Variants in RECK observed in about 807,000 individuals in gnomAD.
The protein encoded by RECK is reversion-inducing cysteine-rich protein with Kazal motifs.
In RECK, 69 loss-of-function variants were observed where a neutral mutation model predicts 115.1. The observed-to-expected ratio is 0.60, with a 90% confidence interval of 0.49 to 0.73. The LOEUF is 0.73. RECK is among the 30% of genes least tolerant of loss of function. The pLI is 0.00. For synonymous variants in RECK, 414 were observed against 419.7 expected, an observed-to-expected ratio of 0.99 and a Z score of 0.17; for missense variants, 1,047 against 1,203.7, an observed-to-expected ratio of 0.87 and a Z score of 1.93.
intron 6 of RECK, chr9:36,072,864 C>T (rs1822286037): frequency 6.6e-6 from 1 of 152,062 alleles, no homozygotes; most frequent in Non-Finnish European, 1.5e-5. Flanking sequence ...ATTTCCTTTT[C>T]CAGTTCATTC....
At chr9:36,114,650 C>T (rs1824187341) in intron 16 of RECK, among the ~76,000 whole-genome samples, 1 of 152,134 alleles carries the variant, frequency 6.6e-6, no homozygotes, top group Non-Finnish European at 1.5e-5. Flanking sequence ...CTCAGGAGTT[C>T]GAGACTAGCC....
chr9:36,095,676 C>T (rs111566538), intron 10 of RECK, among the ~76,000 whole-genome samples: 2,808 of 152,216 alleles, frequency 0.018, 83 homozygotes, highest in African/African-American at 0.064. Context: ...GTGGTTCACC[C>T]CTATAATCCC....
chr9:36,075,600 A>G (rs554759384), intron 6 of RECK, among the ~76,000 whole-genome samples: 1 of 152,348 alleles, frequency 6.6e-6, no homozygotes, highest in South Asian at 2.1e-4. Context: ...TAGAGGTTTA[A>G]AAACATTTAT....
intron 6 of RECK, chr9:36,066,919 T>A: frequency 8.5e-7 from 1 of 1,182,036 alleles, no homozygotes; most frequent in Non-Finnish European, 1.1e-6. Context: ...AATAGTTTAC[T>A]TTTCCCAGTC....
intron 1 of RECK, among the ~76,000 whole-genome samples, chr9:36,049,927 G>C (rs963295707): frequency 4.6e-5 from 7 of 152,128 alleles, no homozygotes; most frequent in Non-Finnish European, 8.8e-5. Flanking sequence ...CTTATTACTT[G>C]ATAGCAGTAT....
intron 1 of RECK, among the ~76,000 whole-genome samples, chr9:36,042,204 G>A (rs964839415): frequency 2.0e-5 from 3 of 151,236 alleles, no homozygotes; most frequent in Non-Finnish European, 2.9e-5. Flanking sequence ...CTCATCCCCC[G>A]CTCACTCTTC....
rs975167976 is a variant in RECK at position 36,087,962 on chromosome 9, G to C, written c.905+1G>C. The C allele has an allele frequency of 3.1e-6, 5 of 1,601,360 alleles. No homozygotes were observed. The highest frequency in any genetic ancestry group is 4.3e-6 in the Non-Finnish European group (5 of 1,172,314). ...CTAAAGCAAACACTTCAACATGTAG[G>C]TTAGTATTTCATTTTCCTTTACCAA... On this transcript the variant is annotated splice_donor_variant, in intron 9 of 20. Transcript: ENST00000377966. LOFTEE classifies it high-confidence loss of function.
chr9:36,096,923 T>TATCA (rs1823366369), intron 10 of RECK, among the ~76,000 whole-genome samples: 1 of 150,404 alleles, frequency 6.6e-6, no homozygotes, highest in Admixed American at 6.6e-5. Flanking sequence ...GGTGTGTGCA[T>TATCA]ACACACACAC....
chr9:36,060,926 C>T (rs1821731352), intron 4 of RECK, among the ~76,000 whole-genome samples: 1 of 152,188 alleles, frequency 6.6e-6, no homozygotes, highest in African/African-American at 2.4e-5. Context: ...TGATACTAGA[C>T]TGGAAACCCC....
At chr9:36,088,375 T>C (rs1434775926) in intron 9 of RECK, among the ~76,000 whole-genome samples, 3 of 152,204 alleles carry the variant, frequency 2.0e-5, no homozygotes, top group African/African-American at 7.2e-5. Flanking sequence ...TTAGCACTTA[T>C]AACCAGAGTT....
At chr9:36,055,782 T>C (rs1220497253) in intron 2 of RECK, among the ~76,000 whole-genome samples, 2 of 152,176 alleles carry the variant, frequency 1.3e-5, no homozygotes, top group Non-Finnish European at 2.9e-5. Context: ...TCTAACCTGT[T>C]TCAAGTACTT....
chr9:36,083,493 A>G lies in RECK; in HGVS notation c.568A>G (p.Ile190Val), dbSNP rs1822814424. ...AGCAGTGGAAAATTATTGCGCCTCTATTAGTCCACAATTAATACATTGTGT... is the reference window on the plus strand; with the variant it reads ...AGCAGTGGAAAATTATTGCGCCTCTGTTAGTCCACAATTAATACATTGTGT... ...IKAVENYCAS[I>V]SPQLIHCVNN... is the part of the protein sequence containing the mutation. Residue 190 changes from isoleucine (I) to valine (V), a missense_variant, in exon 8 of 21, where the codon ATT (isoleucine) becomes GTT (valine). Physicochemically the swap from Ile to Val is conservative, Grantham distance 29 (BLOSUM62 3). Coordinates refer to ENST00000377966, the MANE Select transcript of RECK (RefSeq NM_021111.3). The G allele has an allele frequency of 2.5e-6, 4 of 1,613,942 alleles. No homozygotes were observed. The Admixed American group carries it at 6.7e-5, about 27-fold the overall frequency.
intron 20 of RECK, 43 bp downstream of exon 20, chr9:36,121,731 G>C: frequency 6.2e-7 from 1 of 1,602,974 alleles, no homozygotes; most frequent in Non-Finnish European, 8.5e-7. Context: ...TCACTTTCAA[G>C]TTTGGTGCAC....
Position 36,052,396 on chromosome 9 carries a change from G to T in RECK, c.159+73G>T, listed in dbSNP as rs921911182. 6 of 1,125,078 alleles carry T rather than the reference G, an allele frequency of 5.3e-6. No individual in the cohort carries two copies. In the African/African-American group the frequency reaches 7.7e-5, roughly 14 times the overall value. The allele number at this position is 1,125,078 out of a possible 1,614,324, so 69.7% of individuals were successfully genotyped here. A position where few individuals can be genotyped will look rare whatever the true frequency, so the allele number is the denominator to read the frequency against. ...GCCTGTAATCCCAGCACTTTGGGAGGCCAGGGTGGGAGGATTGCTTAAGGC... is the reference window on the plus strand; with the variant it reads ...GCCTGTAATCCCAGCACTTTGGGAGTCCAGGGTGGGAGGATTGCTTAAGGC... On this transcript the variant is annotated intron_variant, in intron 2 of 20. Coordinates refer to ENST00000377966, the MANE Select transcript of RECK (RefSeq NM_021111.3).
chr9:36,077,436 T>G (rs1822492939), intron 6 of RECK, among the ~76,000 whole-genome samples: 1 of 152,190 alleles, frequency 6.6e-6, no homozygotes, highest in African/African-American at 2.4e-5. Flanking sequence ...AAGATAGAGT[T>G]ACATATAGTA....
intron 6 of RECK, among the ~76,000 whole-genome samples, chr9:36,078,892 G>GTTTA (rs1564116541): frequency 1.3e-5 from 2 of 151,802 alleles, no homozygotes; most frequent in South Asian, 2.1e-4. Context: ...TTGTTTATTT[G>GTTTA]TTTATTTATT....
Position 36,056,399 on chromosome 9 carries a change from A to G in RECK, c.160-2428A>G, listed in dbSNP as rs115819680. On this transcript the variant is annotated intron_variant, in intron 2 of 20. Transcript: ENST00000377966. ...TTGCAGTTGGTTATATGTTTTTTAA[A>G]TATCTTTTGATCTGTAGGTTTCTCC... 7.3e-3 allele frequency among the ~76,000 whole-genome samples: 1,115 copies of G among 152,278 alleles called. 12 individuals carry two copies. The highest frequency in any genetic ancestry group is 0.024 in the African/African-American group (994 of 41,552).
intron 1 of RECK, among the ~76,000 whole-genome samples, chr9:36,043,826 TGTAA>T (rs1820976305): frequency 6.6e-6 from 1 of 152,224 alleles, no homozygotes; most frequent in Non-Finnish European, 1.5e-5. Flanking sequence ...ATCAGTTGGC[TGTAA>T]GTATTTTGCT....
intron 9 of RECK, among the ~76,000 whole-genome samples, chr9:36,089,483 A>T (rs1823081228): frequency 6.6e-6 from 1 of 152,206 alleles, no homozygotes; most frequent in African/African-American, 2.4e-5. Flanking sequence ...TCCAAGGCAA[A>T]TACAGATTGA....
Sources: allele counts gnomAD v4.1 joint callset (sites outside exome capture counted in the v4.1 genomes callset), GRCh38; gene constraint gnomAD v4.1.1; transcripts MANE v1.5; gene names NCBI Gene and HGNC (gene_info 2026-07-23, HGNC 2026-07-21).